SRC: variants seen among roughly 807,000 people sequenced by gnomAD.
The protein encoded by SRC is SRC proto-oncogene, non-receptor tyrosine kinase.
In SRC, 13 loss-of-function variants were observed where a neutral mutation model predicts 62.9. The observed-to-expected ratio is 0.21, with a 90% confidence interval of 0.13 to 0.33. The LOEUF (loss-of-function observed/expected upper bound fraction) is 0.33, where lower values mean the gene tolerates loss of function less well. Ranked by LOEUF, SRC falls within the 10% of genes least tolerant of loss-of-function variation. The pLI is 1.00. For synonymous variants in SRC, 302 were observed against 317.5 expected, an observed-to-expected ratio of 0.95 and a Z score of 0.52; for missense variants, 457 against 737.3, an observed-to-expected ratio of 0.62 and a Z score of 4.40.
chr20:37,397,968 G>A lies in SRC; in HGVS notation c.859+114G>A. The A allele has an allele frequency of 1.5e-6, 2 of 1,337,618 alleles. No homozygotes were observed. The highest frequency in any genetic ancestry group is 2.0e-6 in the Non-Finnish European group (2 of 1,000,830). The allele number at this position is 1,337,618 out of a possible 1,614,324, so 82.9% of individuals were successfully genotyped here. A position where few individuals can be genotyped will look rare whatever the true frequency, so the allele number is the denominator to read the frequency against. ...TGCCTCTGCTGGATGACGGGGCCCT[G>A]TTGTAAATCTGGAGCTCCCCAGCGG... On this transcript the variant is annotated intron_variant, in intron 9 of 13. Transcript: ENST00000373578. The surrounding 1 kb of genome is among the most constrained non-coding windows in gnomAD (Gnocchi z 4.1).
intron 1 of SRC, among the ~76,000 whole-genome samples, chr20:37,350,239 C>T (rs1480031127): frequency 6.6e-6 from 1 of 152,166 alleles, no homozygotes; most frequent in African/African-American, 2.4e-5. Flanking sequence ...TTTCTTCATG[C>T]CTGAAGTAGG....
chr20:37,353,154 G>C (rs1334673497), intron 1 of SRC, among the ~76,000 whole-genome samples: 1 of 152,174 alleles, frequency 6.6e-6, no homozygotes, highest in Non-Finnish European at 1.5e-5. Flanking sequence ...CCCAGCACCA[G>C]CGGGGCTGAG....
chr20:37,405,699 A>T lies in SRC; in HGVS notation c.*2320A>T. 6.4e-6 allele frequency: 1 copy of T among 155,080 alleles called. No individual in the cohort carries two copies. The highest frequency in any genetic ancestry group is 1.4e-5 in the Non-Finnish European group (1 of 69,642). The allele number at this position is 155,080 out of a possible 1,614,324, so 9.6% of individuals were successfully genotyped here. ...TTCAGGACTCAAATGTCCGTGGTGG[A>T]TGGTAGCAGTGACATTGGGGAGTGG... is the stretch of plus-strand genomic sequence containing the variant. On this transcript the variant is annotated 3_prime_UTR_variant, in exon 14 of 14. Transcript: ENST00000373578.
intron 10 of SRC, 134 bp downstream of exon 10, chr20:37,400,428 T>C (rs1570209): frequency 0.11 from 87,185 of 759,618 alleles, 9,798 homozygotes; most frequent in African/African-American, 0.48. Context: ...CTCTGTTGCC[T>C]GGGCCGGAGT....
At chr20:37,366,989 G>T (rs2146961788) in intron 2 of SRC, among the ~76,000 whole-genome samples, 1 of 152,198 alleles carries the variant, frequency 6.6e-6, no homozygotes, top group African/African-American at 2.4e-5. Flanking sequence ...ATTCCCATCA[G>T]CAATGTCTGA....
chr20:37,376,497 C>T (rs1174310352), intron 2 of SRC, among the ~76,000 whole-genome samples: 1 of 152,186 alleles, frequency 6.6e-6, no homozygotes, highest in Non-Finnish European at 1.5e-5. Flanking sequence ...CCCGGGCCAC[C>T]TGTATATATA....
At chr20:37,395,252 C>T (rs1043981714) in intron 7 of SRC, among the ~76,000 whole-genome samples, 4 of 152,228 alleles carry the variant, frequency 2.6e-5, no homozygotes, top group Admixed American at 1.3e-4. Flanking sequence ...GACCTCATTT[C>T]TTCTGTACGC....
In SRC at chr20:37,368,092, T is replaced by C. The variant is rs536008485; in HGVS notation, c.-173+2815T>C. Among the ~76,000 whole-genome samples the C allele has an allele frequency of 5.1e-4, 78 of 152,314 alleles. 1 individual carries two copies. In the South Asian group the frequency reaches 0.015, roughly 30 times the overall value. On this transcript the variant is annotated intron_variant, in intron 2 of 13. Coordinates refer to ENST00000373578, the MANE Select transcript of SRC (RefSeq NM_198291.3). ...GATGAAGTGCAGTTTATTTTTCCTT[T>C]TGTTGCTTGTGCTCTAGGTGTTGTA...
In SRC at chr20:37,396,483, C is replaced by T; in HGVS notation, c.703+172C>T. 1.3e-6 allele frequency: 1 copy of T among 782,626 alleles called. No individual in the cohort carries two copies. The highest frequency in any genetic ancestry group is 2.0e-6 in the Non-Finnish European group (1 of 501,758). The allele number at this position is 782,626 out of a possible 1,614,324, so 48.5% of individuals were successfully genotyped here. A position where few individuals can be genotyped will look rare whatever the true frequency, so the allele number is the denominator to read the frequency against. On this transcript the variant is annotated intron_variant, in intron 8 of 13. Transcript: ENST00000373578. The surrounding 1 kb of genome is among the most constrained non-coding windows in gnomAD (Gnocchi z 6.1). ...CCCTTTTCCCTCCTTTCCTTGTCTC[C>T]TTCTTCTTCCTCTTCTTTCCCCCAG...
rs1006194285 is a variant in SRC, at chr20:37,387,598, A to C, written c.350+1424A>C. Reference sequence around the variant, plus strand: ...CTCCCGGCTCCGCCTCCCCCCTTGCATGGCCGAGTCCTGGTGCGAAGCTAC... The same window carrying C: ...CTCCCGGCTCCGCCTCCCCCCTTGCCTGGCCGAGTCCTGGTGCGAAGCTAC... On this transcript the variant is annotated intron_variant, in intron 5 of 13. Coordinates refer to ENST00000373578, the MANE Select transcript of SRC (RefSeq NM_198291.3). Among the ~76,000 whole-genome samples the C allele has an allele frequency of 1.4e-4, 21 of 152,286 alleles. No homozygotes were observed. In the East Asian group the frequency reaches 4.1e-3, roughly 29 times the overall value.
intron 1 of SRC, among the ~76,000 whole-genome samples, chr20:37,363,049 C>T (rs2070001075): frequency 6.6e-6 from 1 of 152,188 alleles, no homozygotes; most frequent in Non-Finnish European, 1.5e-5. Context: ...ACCGCCTAGC[C>T]TTTGGGCCTC....
chr20:37,370,761 G>C (rs1453002299), intron 2 of SRC, among the ~76,000 whole-genome samples: 2 of 152,106 alleles, frequency 1.3e-5, no homozygotes, highest in East Asian at 1.9e-4. Context: ...TGATGTCTTT[G>C]TGTGGTTATG....
At chr20:37,359,082 T>G (rs1480370227) in intron 1 of SRC, among the ~76,000 whole-genome samples, 2 of 152,224 alleles carry the variant, frequency 1.3e-5, no homozygotes, top group Non-Finnish European at 2.9e-5. Context: ...TTCTGCCCTG[T>G]GTAAGCCAGG....
rs1372363982 is a variant in SRC at position 37,402,975 on chromosome 20, C to T, written c.1402+95C>T. On this transcript the variant is annotated intron_variant, in intron 13 of 13. Coordinates refer to ENST00000373578, the MANE Select transcript of SRC (RefSeq NM_198291.3). The surrounding 1 kb of genome is among the most constrained non-coding windows in gnomAD (Gnocchi z 6.2). ...GACTCCTGCTGGGCCTGTTTCCCCA[C>T]CCGTAAAACAAAGAAGTTGAGCGTC... The T allele has an allele frequency of 6.7e-7, 1 of 1,485,958 alleles. No individual in the cohort carries two copies. Among genetic ancestry groups the T allele is most frequent in the Non-Finnish European group, 9.0e-7 (1 of 1,110,848 alleles). The allele number at this position is 1,485,958 out of a possible 1,614,324, so 92.0% of individuals were successfully genotyped here.
intron 1 of SRC, among the ~76,000 whole-genome samples, chr20:37,364,954 C>G (rs1238733304): frequency 6.6e-6 from 1 of 152,126 alleles, no homozygotes; most frequent in African/African-American, 2.4e-5. Context: ...GCTGCCTCCC[C>G]TAGGAAGCCT....
chr20:37,378,053 T>A (rs151267486), intron 2 of SRC, among the ~76,000 whole-genome samples: 2 of 151,604 alleles, frequency 1.3e-5, no homozygotes, highest in East Asian at 3.9e-4. Context: ...TTTTAGTTTT[T>A]TTTAAAATTA....
intron 2 of SRC, among the ~76,000 whole-genome samples, chr20:37,372,092 G>A (rs2070174684): frequency 6.6e-6 from 1 of 152,056 alleles, no homozygotes; most frequent in African/African-American, 2.4e-5. Flanking sequence ...TGAACTCCGG[G>A]GCTTGAGCAG....
chr20:37,393,922 G>A lies in SRC; in HGVS notation c.378G>A (p.Ser126=), dbSNP rs371652109. 1.3e-4 allele frequency: 209 copies of A among 1,613,910 alleles called. No homozygotes were observed. Among genetic ancestry groups the A allele is most frequent in the Non-Finnish European group, 1.7e-4 (200 of 1,179,990 alleles). The part of the protein sequence containing the change: ...NTEGDWWLAH[S]LSTGQTGYIP... Reference sequence around the variant, plus strand: ...AGGGAGACTGGTGGCTGGCCCACTCGCTCAGCACAGGACAGACAGGCTACA... The same window carrying A: ...AGGGAGACTGGTGGCTGGCCCACTCACTCAGCACAGGACAGACAGGCTACA... The change falls in exon 6 of 14, where the codon TCG becomes TCA. Residue 126 remains serine (S), a synonymous_variant. Coordinates refer to ENST00000373578, the MANE Select transcript of SRC (RefSeq NM_198291.3).
intron 1 of SRC, among the ~76,000 whole-genome samples, chr20:37,354,671 G>C (rs372712023): frequency 2.0e-5 from 3 of 152,210 alleles, no homozygotes; most frequent in South Asian, 4.1e-4. Flanking sequence ...CTTTGTCCCT[G>C]AGTTGTGCCA....
Sources: allele counts gnomAD v4.1 joint callset (sites outside exome capture counted in the v4.1 genomes callset), GRCh38; gene constraint gnomAD v4.1.1; non-coding constraint Gnocchi (gnomAD v3.1); transcripts MANE v1.5; gene names NCBI Gene and HGNC (gene_info 2026-07-23, HGNC 2026-07-21).